The following PRKAR1B variants were observed in gnomAD, a reference collection of about 807,000 sequenced individuals.
PRKAR1B encodes protein kinase cAMP-dependent type I regulatory subunit beta.
A neutral mutation model predicts 46.5 loss-of-function variants in PRKAR1B; 22 were observed. The ratio of observed to expected loss-of-function variants is 0.47; its 90% CI spans 0.34 to 0.68. PRKAR1B has a LOEUF of 0.68. PRKAR1B is among the 30% of genes least tolerant of loss of function. The pLI is 0.01. For missense variants in PRKAR1B, 445 were observed against 535.6 expected, an observed-to-expected ratio of 0.83 and a Z score of 1.67; for synonymous variants, 259 against 217.7, an observed-to-expected ratio of 1.19 and a Z score of -1.67.
At chr7:691,179 G>A (rs569500861) in intron 2 of PRKAR1B, among the ~76,000 whole-genome samples, 9 of 150,036 alleles carry the variant, frequency 6.0e-5, no homozygotes, top group South Asian at 4.3e-4. Flanking sequence ...TGTCCACTGC[G>A]CTGCAAATCC....
intron 2 of PRKAR1B, among the ~76,000 whole-genome samples, chr7:695,026 G>A (rs1192633424): frequency 9.4e-5 from 13 of 138,282 alleles, no homozygotes; most frequent in East Asian, 2.0e-4. Context: ...GCAAGACTCC[G>A]TCTCAAAAAA....
At position 596,177 on chromosome 7, in the gene PRKAR1B, AT is replaced by A. The variant is rs1443435894; in HGVS notation, c.676del (p.Ile226SerfsTer15). 1 of 1,613,812 alleles carries A rather than the reference AT, an allele frequency of 6.2e-7. No individual in the cohort carries two copies. Among genetic ancestry groups the A allele is most frequent in the Non-Finnish European group, 8.5e-7 (1 of 1,179,926 alleles). On this transcript the variant is annotated frameshift_variant, in exon 7 of 11. Coordinates refer to ENST00000537384, the MANE Select transcript of PRKAR1B (RefSeq NM_001164760.2). LOFTEE classifies it high-confidence loss of function. ...KAKTDLKLWG[I>X]DRDSYRRILM... ...GATGCGCCGGTAGCTGTCCCGGTCG[AT>A]CCCCCAGAGCTTGAGGTCCGTCTTG...
intron 4 of PRKAR1B, among the ~76,000 whole-genome samples, chr7:672,935 T>C (rs1371800423): frequency 6.6e-6 from 1 of 150,394 alleles, no homozygotes; most frequent in Non-Finnish European, 1.5e-5. Context: ...GTCCCAGTTA[T>C]TCAGGAAGTT....
chr7:585,590 G>A lies in PRKAR1B; in HGVS notation c.709-1022C>T, dbSNP rs112262769. ...TTCCGTGACCCTAGATAAGTCCCCT[G>A]GGGTGTGGAGAAAGGAGGGAGGAGG... is the stretch of plus-strand genomic sequence containing the variant. On this transcript the variant is annotated intron_variant, in intron 7 of 10. Coordinates refer to ENST00000537384, the MANE Select transcript of PRKAR1B (RefSeq NM_001164760.2). 2.7e-3 allele frequency among the ~76,000 whole-genome samples: 404 copies of A among 152,198 alleles called. 3 individuals are homozygous for A. Among genetic ancestry groups the A allele is most frequent in the African/African-American group, 9.0e-3 (372 of 41,488 alleles).
At chr7:555,739 CCACA>C (rs1487797274) in intron 9 of PRKAR1B, among the ~76,000 whole-genome samples, 2 of 152,196 alleles carry the variant, frequency 1.3e-5, no homozygotes, top group African/African-American at 4.8e-5. Context: ...TTGGCCAAGG[CCACA>C]CAGTCAGAGT....
intron 4 of PRKAR1B, among the ~76,000 whole-genome samples, chr7:636,038 ACGTCCTCCACCGGC>A: frequency 3.8e-5 from 1 of 26,392 alleles, no homozygotes; most frequent in Non-Finnish European, 7.3e-5. Flanking sequence ...CCGCGCCCAC[ACGTCCTCCACCGGC>A]CGCGCCCACA....
intron 9 of PRKAR1B, among the ~76,000 whole-genome samples, chr7:553,567 C>G (rs1784382300): frequency 6.6e-6 from 1 of 152,240 alleles, no homozygotes; most frequent in South Asian, 2.1e-4. Context: ...CACGTCCCCA[C>G]AGCCCCAGCC....
intron 2 of PRKAR1B, among the ~76,000 whole-genome samples, chr7:685,121 T>C (rs1778930368): frequency 6.7e-6 from 1 of 150,238 alleles, no homozygotes; most frequent in Non-Finnish European, 1.5e-5. Context: ...GTTACACATA[T>C]AACATACACA....
chr7:643,017 T>C (rs1301371699), intron 4 of PRKAR1B, among the ~76,000 whole-genome samples: 2 of 151,530 alleles, frequency 1.3e-5, no homozygotes, highest in East Asian at 3.8e-4. Flanking sequence ...TGTGGAGTAG[T>C]ACCTGGAATT....
At position 678,636 on chromosome 7, in the gene PRKAR1B, G is replaced by A. The variant is rs143038264; in HGVS notation, c.349-1316C>T. Among the ~76,000 whole-genome samples, 606 of 152,358 alleles carry A rather than the reference G, an allele frequency of 4.0e-3. 4 individuals are homozygous for A. The highest frequency in any genetic ancestry group is 0.014 in the African/African-American group (571 of 41,570). On this transcript the variant is annotated intron_variant, in intron 3 of 10. Transcript: ENST00000537384. ...CACAGTGAGACCTCCTGTTGTGCCT[G>A]GGCCACCCAGGAAGTCCCTGTCTGT...
chr7:550,768 T>G (rs947986434), intron 10 of PRKAR1B, among the ~76,000 whole-genome samples, 166 bp from the exon 11 acceptor site: 1 of 152,192 alleles, frequency 6.6e-6, no homozygotes, highest in Non-Finnish European at 1.5e-5. Context: ...CCGAGAACTA[T>G]TTGGGATATA....
At chr7:674,389 C>A (rs1562606219) in intron 4 of PRKAR1B, among the ~76,000 whole-genome samples, 1 of 151,960 alleles carries the variant, frequency 6.6e-6, no homozygotes, top group African/African-American at 2.4e-5. Context: ...TCTAACTACT[C>A]CAGTCATGCC....
chr7:678,280 C>CA (rs770188315), intron 3 of PRKAR1B, among the ~76,000 whole-genome samples: 4 of 152,050 alleles, frequency 2.6e-5, no homozygotes, highest in Non-Finnish European at 5.9e-5. Flanking sequence ...AAAAAATAAA[C>CA]AAATAAACAT....
chr7:709,703 T>C (rs927662798), intron 2 of PRKAR1B, among the ~76,000 whole-genome samples: 1 of 152,186 alleles, frequency 6.6e-6, no homozygotes, highest in Non-Finnish European at 1.5e-5. Context: ...GGTTTCGCTC[T>C]GTTGCCCAGG....
intron 1 of PRKAR1B, among the ~76,000 whole-genome samples, chr7:724,829 C>A (rs529960514): frequency 6.6e-6 from 1 of 152,312 alleles, no homozygotes; most frequent in Non-Finnish European, 1.5e-5. Flanking sequence ...TCATCCTGTC[C>A]CACATGTTGC....
chr7:699,711 G>A (rs1442009464), intron 2 of PRKAR1B, among the ~76,000 whole-genome samples: 3 of 152,306 alleles, frequency 2.0e-5, no homozygotes, highest in African/African-American at 7.2e-5. Context: ...GAAGTTCCAG[G>A]TGACAGGACA....
At chr7:678,066 T>A (rs1413612382) in intron 3 of PRKAR1B, among the ~76,000 whole-genome samples, 1 of 151,944 alleles carries the variant, frequency 6.6e-6, no homozygotes, top group Non-Finnish European at 1.5e-5. Flanking sequence ...AGGTCAAGAG[T>A]TCGAGACCAG....
At chr7:600,625 C>T (rs540913933) in intron 6 of PRKAR1B, among the ~76,000 whole-genome samples, 1 of 152,366 alleles carries the variant, frequency 6.6e-6, no homozygotes, top group African/African-American at 2.4e-5. Context: ...CCCCAGCCCC[C>T]CAGAAAGAGC....
intron 4 of PRKAR1B, among the ~76,000 whole-genome samples, chr7:673,101 C>T (rs1022500384): frequency 7.6e-6 from 1 of 131,826 alleles, no homozygotes; most frequent in Non-Finnish European, 1.5e-5. Flanking sequence ...GAATGGACAG[C>T]TGGTCTGTGT....
Sources: gnomAD v4.1 joint callset for allele counts (sites outside exome capture counted in the v4.1 genomes callset) on GRCh38, gnomAD v4.1.1 for gene constraint, MANE v1.5 for transcripts, NCBI Gene and HGNC (gene_info 2026-07-23, HGNC 2026-07-21) for gene names.